PCDHA1: variants seen among roughly 807,000 people sequenced by gnomAD.
PCDHA1 encodes the protein protocadherin alpha 1, also known as protocadherin alpha-1.
In PCDHA1, 42 loss-of-function variants were observed where a neutral mutation model predicts 61.3. That is an observed-to-expected ratio of 0.69 (90% CI 0.54 to 0.89). PCDHA1 has a LOEUF of 0.89. Among genes scored for constraint, PCDHA1 ranks in the 40% least tolerant of loss-of-function variants. The pLI is 0.00. For missense variants in PCDHA1, 1,256 were observed against 1,235.3 expected (o/e 1.02, Z -0.25); for synonymous variants, 610 against 553.8 (o/e 1.10, Z -1.43).
chr5:140,850,670 G>A, intron 1 of PCDHA1: 1 of 1,598,618 alleles, frequency 6.3e-7, no homozygotes, highest in Non-Finnish European at 8.6e-7. Context: ...GGTGCTCGGC[G>A]ATGCCCACCG....
chr5:140,834,465 A>G, intron 1 of PCDHA1: 1 of 1,614,150 alleles, frequency 6.2e-7, no homozygotes, highest in Non-Finnish European at 8.5e-7. Context: ...GGAGGCAGGG[A>G]GAGGCCAGCT....
rs1044322759 is a variant in PCDHA1 at position 140,877,540 on chromosome 5, G to C, written c.2394+88856G>C. 35 of 1,613,652 alleles carry C rather than the reference G, an allele frequency of 2.2e-5. No individual in the cohort carries two copies. Among genetic ancestry groups the C allele is most frequent in the Non-Finnish European group, 2.7e-5 (32 of 1,179,908 alleles). On this transcript the variant is annotated intron_variant, in intron 1 of 3. Coordinates refer to ENST00000504120, the MANE Select transcript of PCDHA1 (RefSeq NM_018900.4). ...GGCCTCAGTGGGCGCTGTGGATCCCGAAGCGGCTCTGGTGGATATTAACGT... is the reference window on the plus strand; with the variant it reads ...GGCCTCAGTGGGCGCTGTGGATCCCCAAGCGGCTCTGGTGGATATTAACGT...
At chr5:140,843,104 C>G (rs1327692669) in intron 1 of PCDHA1, 6 of 1,595,598 alleles carry the variant, frequency 3.8e-6, no homozygotes, top group Non-Finnish European at 4.3e-6. Context: ...AGCGAAGGTG[C>G]GCGCAGTGGA....
At chr5:140,909,065 A>G (rs1402526950) in intron 1 of PCDHA1, among the ~76,000 whole-genome samples, 3 of 152,218 alleles carry the variant, frequency 2.0e-5, no homozygotes, top group Admixed American at 6.5e-5. Flanking sequence ...TGTCTCACCA[A>G]TAAGCCCAGT....
chr5:140,797,442 C>G, intron 1 of PCDHA1: 1 of 1,368,350 alleles, frequency 7.3e-7, no homozygotes. Flanking sequence ...ATTCATAGTT[C>G]TTCATTTATT....
intron 1 of PCDHA1, chr5:140,801,937 A>G (rs1554121775): frequency 2.5e-6 from 4 of 1,614,206 alleles, no homozygotes; most frequent in East Asian, 4.5e-5. Context: ...AGGACGATCT[A>G]TAAAGTCAGA....
intron 1 of PCDHA1, among the ~76,000 whole-genome samples, chr5:140,909,492 C>T (rs955748526): frequency 4.6e-5 from 7 of 152,160 alleles, no homozygotes; most frequent in East Asian, 3.9e-4. Context: ...GAGAGCTGAA[C>T]GGGGATGTGG....
intron 1 of PCDHA1, among the ~76,000 whole-genome samples, chr5:140,875,022 C>A (rs1267699693): frequency 1.3e-5 from 2 of 152,116 alleles, no homozygotes; most frequent in Non-Finnish European, 2.9e-5. Context: ...TAGGTTCTGG[C>A]CTACTGTATT....
chr5:140,825,955 C>T (rs1768768479), intron 1 of PCDHA1: 2 of 152,330 alleles, frequency 1.3e-5, no homozygotes, highest in African/African-American at 4.8e-5. Context: ...AACCATTTGT[C>T]TACTCTTTTG....
chr5:140,871,966 C>G (rs1210672603), intron 1 of PCDHA1, among the ~76,000 whole-genome samples: 2 of 152,204 alleles, frequency 1.3e-5, no homozygotes, highest in African/African-American at 4.8e-5. Context: ...AGGAGGTCTT[C>G]CTATGATGTC....
chr5:140,870,689 T>G (rs1349209235), intron 1 of PCDHA1: 1 of 1,612,838 alleles, frequency 6.2e-7, no homozygotes. Context: ...GAGCTGGAGC[T>G]GCTACAGTTC....
chr5:141,000,421 A>ATAT (rs1265241806), intron 3 of PCDHA1, among the ~76,000 whole-genome samples: 11 of 27,980 alleles, frequency 3.9e-4, no homozygotes, highest in South Asian at 1.9e-3. Flanking sequence ...ATATATATAT[A>ATAT]TTTTTTTTTT....
chr5:140,935,044 G>C (rs1246943645), intron 1 of PCDHA1, among the ~76,000 whole-genome samples: 1 of 151,942 alleles, frequency 6.6e-6, no homozygotes, highest in African/African-American at 2.4e-5. Context: ...CTTGATTTCT[G>C]GTATTACAAG....
At chr5:140,883,041 G>A (rs2059417348) in intron 1 of PCDHA1, 1 of 1,613,960 alleles carries the variant, frequency 6.2e-7, no homozygotes, top group African/African-American at 1.3e-5. Context: ...GCCTTCAATG[G>A]AACATTAGTG....
chr5:140,882,555 G>A (rs1554174539), intron 1 of PCDHA1: 1 of 1,614,272 alleles, frequency 6.2e-7, no homozygotes, highest in Admixed American at 1.7e-5. Flanking sequence ...GAGGAGCTGT[G>A]TGGGCGGAGC....
chr5:140,807,407 C>T lies in PCDHA1; in HGVS notation c.2394+18723C>T, dbSNP rs1554123978. 2.6e-6 allele frequency: 4 copies of T among 1,556,782 alleles called. 1 individual carries two copies. The highest frequency in any genetic ancestry group is 3.5e-6 in the Non-Finnish European group (4 of 1,143,142). On this transcript the variant is annotated intron_variant, in intron 1 of 3. Coordinates refer to ENST00000504120, the MANE Select transcript of PCDHA1 (RefSeq NM_018900.4). ...GGTGGCGTCCAAGGGCCGCGGAGGC[C>T]TTCTGGAGGTAAATCTGCAGAATGG...
At chr5:140,882,385 A>G in intron 1 of PCDHA1, 1 of 1,614,234 alleles carries the variant, frequency 6.2e-7, no homozygotes, top group Non-Finnish European at 8.5e-7. Flanking sequence ...CCGAGGAAGC[A>G]AAACACGGCA....
intron 3 of PCDHA1, among the ~76,000 whole-genome samples, chr5:140,996,604 A>G (rs1554255259): frequency 1.3e-5 from 2 of 152,090 alleles, no homozygotes; most frequent in African/African-American, 4.8e-5. Flanking sequence ...CCCCATTTTC[A>G]TTTGGCAAAT....
At position 140,978,994 on chromosome 5, in the gene PCDHA1, GCAGGCATGCA is replaced by G; in HGVS notation, c.2445_2453+1del. 3 of 1,614,152 alleles carry G rather than the reference GCAGGCATGCA, an allele frequency of 1.9e-6. No homozygotes were observed. The highest frequency in any genetic ancestry group is 8.5e-7 in the Non-Finnish European group (1 of 1,180,022). ...CTGGCGTTACTCTGCCTCCCTGAGA[GCAGGCATGCA>G]CAGGTATGTATTTCCCTCCTCATTC... On this transcript the variant is annotated frameshift_variant, in exon 2 of 4. Transcript: ENST00000504120. LOFTEE classifies it high-confidence loss of function.
Sources: allele counts gnomAD v4.1 joint callset (sites outside exome capture counted in the v4.1 genomes callset), GRCh38; gene constraint gnomAD v4.1.1; transcripts MANE v1.5; gene names NCBI Gene and HGNC (gene_info 2026-07-23, HGNC 2026-07-21).